The following COG6 variants were observed in gnomAD, a reference collection of about 807,000 sequenced individuals.
COG6 encodes component of oligomeric golgi complex 6, also known as conserved oligomeric Golgi complex subunit 6.
COG6 carries 74 observed loss-of-function variants against 88.8 expected under a neutral mutation model. The observed-to-expected ratio is 0.83, with a 90% confidence interval of 0.69 to 1.01. The LOEUF (loss-of-function observed/expected upper bound fraction) is 1.01, where lower values mean the gene tolerates loss of function less well. Among genes scored for constraint, COG6 ranks in the 50% least tolerant of loss-of-function variants. The pLI is 0.00. For missense variants in COG6, 800 were observed against 797.9 expected (o/e 1.00, Z -0.03); for synonymous variants, 286 against 278.7 (o/e 1.03, Z -0.26).
chr13:39,713,149 G>T (rs1026839770), intron 13 of COG6, among the ~76,000 whole-genome samples: 1 of 152,162 alleles, frequency 6.6e-6, no homozygotes, highest in Non-Finnish European at 1.5e-5. Context: ...ATGCTGACTG[G>T]TTTCCAAGGA....
At chr13:39,783,641 C>T (rs559867220) in intron 18 of COG6, among the ~76,000 whole-genome samples, 1 of 152,226 alleles carries the variant, frequency 6.6e-6, no homozygotes, top group South Asian at 2.1e-4. Flanking sequence ...GACTACACAC[C>T]AATCCAAACT....
At chr13:39,696,166 T>G (rs201023652) in intron 12 of COG6, among the ~76,000 whole-genome samples, 1 of 1,420 alleles carries the variant, frequency 7.0e-4, no homozygotes, top group Admixed American at 0.019. Context: ...AATCTTTTTT[T>G]ATTGATTGCA....
intron 15 of COG6, among the ~76,000 whole-genome samples, chr13:39,720,699 T>G (rs187845219): frequency 4.6e-5 from 7 of 152,218 alleles, no homozygotes; most frequent in African/African-American, 1.7e-4. Flanking sequence ...GCACAATTTC[T>G]TTCAGTTTTT....
chr13:39,727,308 G>A (rs1593455450), intron 17 of COG6, among the ~76,000 whole-genome samples, 161 bp from the exon 18 acceptor site: 1 of 151,554 alleles, frequency 6.6e-6, no homozygotes, highest in Non-Finnish European at 1.5e-5. Flanking sequence ...GGGAGTTTTA[G>A]TTAGAATGTT....
intron 13 of COG6, among the ~76,000 whole-genome samples, chr13:39,711,281 C>T (rs1337832932): frequency 6.6e-6 from 1 of 152,148 alleles, no homozygotes; most frequent in Admixed American, 6.5e-5. Context: ...CATTAGTGCT[C>T]ATAGACTTCA....
intron 15 of COG6, among the ~76,000 whole-genome samples, chr13:39,722,832 C>G (rs912615532): frequency 1.3e-5 from 2 of 152,016 alleles, no homozygotes; most frequent in African/African-American, 4.8e-5. Flanking sequence ...CTACTGGGCC[C>G]TCAGCTCTTC....
intron 13 of COG6, among the ~76,000 whole-genome samples, chr13:39,705,319 A>T (rs757311337): frequency 1.3e-5 from 2 of 152,182 alleles, no homozygotes; most frequent in African/African-American, 4.8e-5. Context: ...TAGCGTGAGA[A>T]AAAGGAAATT....
chr13:39,703,260 A>G (rs546297527), intron 13 of COG6, among the ~76,000 whole-genome samples: 4 of 152,156 alleles, frequency 2.6e-5, no homozygotes, highest in African/African-American at 9.6e-5. Flanking sequence ...AAAACTGGAT[A>G]ATGGACATTA....
intron 18 of COG6, among the ~76,000 whole-genome samples, chr13:39,745,778 GC>G (rs1456281729): frequency 2.6e-5 from 4 of 152,142 alleles, no homozygotes; most frequent in Non-Finnish European, 4.4e-5. Flanking sequence ...AAAGACACAT[GC>G]ACACGTATGT....
intron 13 of COG6, among the ~76,000 whole-genome samples, chr13:39,705,401 T>G (rs1877835518): frequency 6.6e-6 from 1 of 152,146 alleles, no homozygotes; most frequent in Non-Finnish European, 1.5e-5. Flanking sequence ...AGTATTCAAG[T>G]AGGCATACTC....
At chr13:39,662,527 A>G (rs954786925) in intron 3 of COG6, among the ~76,000 whole-genome samples, 1 of 152,188 alleles carries the variant, frequency 6.6e-6, no homozygotes, top group African/African-American at 2.4e-5. Flanking sequence ...TTTATTGAGG[A>G]ATAATTTATG....
In COG6 at chr13:39,752,023, G is replaced by A. The variant is rs1880664128; in HGVS notation, c.*930G>A. 7.8e-7 allele frequency: 1 copy of A among 1,279,288 alleles called. No homozygotes were observed. The highest frequency in any genetic ancestry group is 1.0e-6 in the Non-Finnish European group (1 of 981,420). 79.2% of individuals were successfully genotyped at this position (1,279,288 alleles called of 1,614,324 possible). A position where few individuals can be genotyped will look rare whatever the true frequency, so the allele number is the denominator to read the frequency against. On this transcript the variant is annotated 3_prime_UTR_variant, in exon 19 of 19. Transcript: ENST00000455146. ...CCAGAGGAGGAGTTGCCAATTGGCA[G>A]TGTGTCTTATCTCCATGTTGTAACT...
At chr13:39,715,499 GCTGT>G (rs1342482503) in intron 13 of COG6, among the ~76,000 whole-genome samples, 3 of 151,926 alleles carry the variant, frequency 2.0e-5, no homozygotes, top group East Asian at 1.9e-4. Flanking sequence ...GGTTTCTATA[GCTGT>G]CTATTTCTAT....
At chr13:39,721,957 C>T (rs2138080528) in intron 15 of COG6, among the ~76,000 whole-genome samples, 2 of 152,134 alleles carry the variant, frequency 1.3e-5, no homozygotes, top group Middle Eastern at 6.8e-3. Context: ...CTTTGGAGAA[C>T]CATTTCAATG....
At chr13:39,752,739 T>A (rs1880707467), downstream of COG6, 2 of 983,382 alleles carry the variant, frequency 2.0e-6, no homozygotes, top group Non-Finnish European at 1.3e-6. Flanking sequence ...ACTGAGGTAA[T>A]CAGTGAAAGA....
At chr13:39,714,572 A>G (rs1211283705) in intron 13 of COG6, among the ~76,000 whole-genome samples, 1 of 152,094 alleles carries the variant, frequency 6.6e-6, no homozygotes, top group Non-Finnish European at 1.5e-5. Context: ...ACAGTGAGAC[A>G]CCACCTTACT....
At chr13:39,772,059 C>T (rs192520558) in intron 18 of COG6, among the ~76,000 whole-genome samples, 1 of 152,360 alleles carries the variant, frequency 6.6e-6, no homozygotes, top group East Asian at 1.9e-4. Flanking sequence ...AAGGCCCTGT[C>T]CTGCTGGTCC....
intron 18 of COG6, among the ~76,000 whole-genome samples, chr13:39,769,121 C>T (rs1881246946): frequency 7.6e-6 from 1 of 131,398 alleles, no homozygotes; most frequent in Non-Finnish European, 1.6e-5. Context: ...ACCCTCCTGT[C>T]AACAGAATGT....
At chr13:39,757,777 C>T (rs1323605579) in intron 18 of COG6, among the ~76,000 whole-genome samples, 1 of 152,134 alleles carries the variant, frequency 6.6e-6, no homozygotes, top group Non-Finnish European at 1.5e-5. Context: ...AATCAAAAAA[C>T]TCCCAACAAG....
Sources: gnomAD v4.1 joint callset for allele counts (sites outside exome capture counted in the v4.1 genomes callset) on GRCh38, gnomAD v4.1.1 for gene constraint, MANE v1.5 for transcripts, NCBI Gene and HGNC (gene_info 2026-07-23, HGNC 2026-07-21) for gene names.